SGO2: variants seen among roughly 807,000 people sequenced by gnomAD.
SGO2 encodes shugoshin-like 2.
A neutral mutation model predicts 99.5 loss-of-function variants in SGO2; 68 were observed. That is an observed-to-expected ratio of 0.68 (90% CI 0.56 to 0.84). The LOEUF is 0.84. Ranked by LOEUF, SGO2 falls within the 40% of genes least tolerant of loss-of-function variation. The pLI, the probability that SGO2 is intolerant of heterozygous loss-of-function variation, is 0.00. For synonymous variants in SGO2, 457 were observed against 487.1 expected (o/e 0.94, Z 0.81); for missense variants, 1,350 against 1,436.7 (o/e 0.94, Z 0.97).
In SGO2 at chr2:200,563,813, C is replaced by T. The variant is rs549728642; in HGVS notation, c.474-5850C>T. On this transcript the variant is annotated intron_variant, in intron 5 of 8. Transcript: ENST00000357799. Reference sequence around the variant, plus strand: ...AGTGTGTATGTGTCCAGGAATTTATCCATTTCTTCTAGATTTTCTAGTTTA... The same window carrying T: ...AGTGTGTATGTGTCCAGGAATTTATTCATTTCTTCTAGATTTTCTAGTTTA... Among the ~76,000 whole-genome samples, 56 of 152,252 alleles carry T rather than the reference C, an allele frequency of 3.7e-4. No homozygotes were observed. The Middle Eastern group carries it at 0.014, about 37-fold the overall frequency.
chr2:200,531,153 A>G (rs2031358548), intron 1 of SGO2, among the ~76,000 whole-genome samples: 1 of 152,208 alleles, frequency 6.6e-6, no homozygotes, highest in African/African-American at 2.4e-5. Context: ...ATCCGTATCT[A>G]GGAACACAGT....
chr2:200,543,269 G>A (rs111927943), intron 5 of SGO2: 19,408 of 152,300 alleles, frequency 0.13, 1,558 homozygotes, highest in Non-Finnish European at 0.18. Flanking sequence ...GCGCCACTGC[G>A]CTCCAGCCTG....
rs768070295 is a variant in SGO2, at chr2:200,535,110, A to G, written c.248A>G (p.Gln83Arg). The G allele has an allele frequency of 4.5e-6, 7 of 1,552,094 alleles. No homozygotes were observed. The highest frequency in any genetic ancestry group is 2.5e-5 in the South Asian group (2 of 80,166). The change falls in exon 3 of 9, where the codon CAA becomes CGA. Residue 83 changes from glutamine (Q) to arginine (R), a missense_variant. Transcript: ENST00000357799. ...ATTACAACTGAAAAGATGCTATTGC[A>G]AAAAGAAGTAGAGAAACTGAATTTT... ...RRITTEKMLL[Q>R]KEVEKLNFEN...
chr2:200,537,099 C>G (rs2031729520), intron 4 of SGO2, among the ~76,000 whole-genome samples: 1 of 151,902 alleles, frequency 6.6e-6, no homozygotes, highest in South Asian at 2.1e-4. Flanking sequence ...ATTCCTCATT[C>G]TCTTTTGGTG....
intron 1 of SGO2, chr2:200,532,444 TCTC>T (rs991292001): frequency 1.4e-5 from 14 of 985,052 alleles, no homozygotes; most frequent in African/African-American, 1.2e-4. Context: ...GTTAATCGCT[TCTC>T]CTCTGCATTG....
chr2:200,573,316 A>T lies in SGO2; in HGVS notation c.2970A>T (p.Ser990=), dbSNP rs747491719. ...TAGTTAAAAAACGTAAGAAAGAATC[A>T]TCATGCAAGGCAAAGAACATTTTGA... The part of the protein sequence containing the change: ...YKVVKKRKKE[S]SCKAKNILTK... The change falls in exon 7 of 9, where the codon TCA becomes TCT. Residue 990 remains serine, a synonymous_variant. Transcript: ENST00000357799. The T allele has an allele frequency of 6.2e-7, 1 of 1,605,754 alleles. No homozygotes were observed. Among genetic ancestry groups the T allele is most frequent in the Non-Finnish European group, 8.5e-7 (1 of 1,177,654 alleles).
intron 5 of SGO2, among the ~76,000 whole-genome samples, chr2:200,567,191 C>G (rs913761045): frequency 1.3e-5 from 2 of 152,110 alleles, no homozygotes; most frequent in Admixed American, 6.5e-5. Context: ...TGGAGCTGTT[C>G]CTATTTGGTC....
intron 1 of SGO2, among the ~76,000 whole-genome samples, chr2:200,527,842 T>C (rs1173524872): frequency 6.6e-6 from 1 of 152,184 alleles, no homozygotes; most frequent in Non-Finnish European, 1.5e-5. Context: ...TCTTAGACAT[T>C]GATAAGTTAA....
intron 5 of SGO2, among the ~76,000 whole-genome samples, chr2:200,563,307 G>A (rs979419675): frequency 1.3e-5 from 2 of 152,082 alleles, no homozygotes; most frequent in African/African-American, 4.8e-5. Context: ...CTGCATCTAT[G>A]GAGATAATCA....
At chr2:200,551,856 C>CAAT (rs2032497492) in intron 5 of SGO2, among the ~76,000 whole-genome samples, 1 of 152,128 alleles carries the variant, frequency 6.6e-6, no homozygotes, top group Admixed American at 6.6e-5. Context: ...GTCCTTTTGT[C>CAAT]AATACCACAC....
intron 4 of SGO2, among the ~76,000 whole-genome samples, chr2:200,540,665 T>C (rs842935): frequency 0.79 from 120,621 of 152,182 alleles, 48,042 homozygotes; most frequent in Non-Finnish European, 0.83. Flanking sequence ...GAACTCCTTC[T>C]TATCACTGAA....
At chr2:200,547,397 A>G (rs568345458) in intron 5 of SGO2, among the ~76,000 whole-genome samples, 91 of 152,356 alleles carry the variant, frequency 6.0e-4, no homozygotes, top group African/African-American at 1.7e-3. Context: ...GAGTTCTTCA[A>G]TCTGAAAGTA....
intron 8 of SGO2, among the ~76,000 whole-genome samples, chr2:200,582,134 T>C (rs972793230): frequency 1.3e-5 from 2 of 152,128 alleles, no homozygotes; most frequent in Non-Finnish European, 2.9e-5. Flanking sequence ...AATAAAATTA[T>C]TGGGTAAAAT....
chr2:200,583,543 A>T lies in SGO2; in HGVS notation c.*79A>T. 1 of 1,337,172 alleles carries T rather than the reference A, an allele frequency of 7.5e-7. No homozygotes were observed. The highest frequency in any genetic ancestry group is 1.5e-5 in the South Asian group (1 of 66,960). 82.8% of individuals were successfully genotyped at this position (1,337,172 alleles called of 1,614,324 possible). ...ACAGAAATATAGTATCAAGAAGATG[A>T]AATGCTTAATGAAAAGGTTTTTTTT... On this transcript the variant is annotated 3_prime_UTR_variant, in exon 9 of 9. Transcript: ENST00000357799.
At chr2:200,565,898 T>C (rs1332403994) in intron 5 of SGO2, among the ~76,000 whole-genome samples, 2 of 152,252 alleles carry the variant, frequency 1.3e-5, no homozygotes, top group Non-Finnish European at 2.9e-5. Flanking sequence ...TCTCATGCCA[T>C]GGTTTTCAGC....
chr2:200,583,570 T>C lies in SGO2; in HGVS notation c.*106T>C. ...ATGCTTAATGAAAAGGTTTTTTTTT[T>C]GTTTCTTTGGCCTTTCATGGAGTGT... On this transcript the variant is annotated 3_prime_UTR_variant, in exon 9 of 9. Coordinates refer to ENST00000357799, the MANE Select transcript of SGO2 (RefSeq NM_152524.6). 9.5e-7 allele frequency: 1 copy of C among 1,054,870 alleles called. No individual in the cohort carries two copies. The highest frequency in any genetic ancestry group is 1.4e-6 in the Non-Finnish European group (1 of 739,790). 65.3% of individuals were successfully genotyped at this position (1,054,870 alleles called of 1,614,324 possible).
At chr2:200,574,269 T>C (rs1243663820) in intron 7 of SGO2, among the ~76,000 whole-genome samples, 1 of 152,056 alleles carries the variant, frequency 6.6e-6, no homozygotes, top group Non-Finnish European at 1.5e-5. Context: ...TTTTCATACA[T>C]CTGAAGGAAA....
chr2:200,556,586 T>C (rs1341298110), intron 5 of SGO2, among the ~76,000 whole-genome samples: 1 of 152,084 alleles, frequency 6.6e-6, no homozygotes, highest in Non-Finnish European at 1.5e-5. Flanking sequence ...AATCAACAAA[T>C]GATAAAGATC....
chr2:200,559,753 T>C (rs2032868657), intron 5 of SGO2, among the ~76,000 whole-genome samples: 1 of 152,194 alleles, frequency 6.6e-6, no homozygotes, highest in African/African-American at 2.4e-5. Context: ...TACCATATCA[T>C]TATTTAGTTC....
Sources: allele counts gnomAD v4.1 joint callset (sites outside exome capture counted in the v4.1 genomes callset), GRCh38; gene constraint gnomAD v4.1.1; transcripts MANE v1.5; gene names NCBI Gene and HGNC (gene_info 2026-07-23, HGNC 2026-07-21).